The following SLC24A2 variants were observed in gnomAD, a reference collection of about 807,000 sequenced individuals.
The protein encoded by SLC24A2 is solute carrier family 24 member 2, also known as sodium/potassium/calcium exchanger 2.
Under a neutral mutation model 62.0 loss-of-function variants are expected in SLC24A2, and 36 were observed. The ratio of observed to expected loss-of-function variants is 0.58; its 90% CI spans 0.44 to 0.77. The LOEUF (loss-of-function observed/expected upper bound fraction) is 0.77, where lower values mean the gene tolerates loss of function less well. SLC24A2 is among the 30% of genes least tolerant of loss of function. The pLI is 0.00. For synonymous variants in SLC24A2, 358 were observed against 294.0 expected (o/e 1.22, Z -2.23); for missense variants, 846 against 817.9 (o/e 1.03, Z -0.42).
chr9:20,114,003 GATTCCAGACCACATCGTA>G, the SLC24A2 span, among the ~76,000 whole-genome samples: 1 of 152,198 alleles, frequency 6.6e-6, no homozygotes, highest in South Asian at 2.1e-4. Context: ...CCTGGAAAGT[GATTCCAGACCACATCGTA>G]GGAAAAGAGA....
chr9:20,255,338 C>A, the SLC24A2 span, among the ~76,000 whole-genome samples: 2,970 of 152,248 alleles, frequency 0.02, 42 homozygotes, highest in Non-Finnish European at 0.031. Context: ...AGTGTAGTTT[C>A]CAGCCCTGAT....
intron 8 of SLC24A2, among the ~76,000 whole-genome samples, chr9:19,544,255 C>CTTTTTTTTT (rs375479154): frequency 1.3e-3 from 163 of 123,862 alleles, no homozygotes; most frequent in Middle Eastern, 3.9e-3. Flanking sequence ...GCAACCCCTG[C>CTTTTTTTTT]TTTTTTTTTT....
chr9:19,949,016 C>A, the SLC24A2 span, among the ~76,000 whole-genome samples: 2 of 151,534 alleles, frequency 1.3e-5, no homozygotes, highest in African/African-American at 4.9e-5. Flanking sequence ...ATTTTTGAGA[C>A]GGAGTCTTAC....
chr9:20,002,483 T>A, the SLC24A2 span, among the ~76,000 whole-genome samples: 1 of 151,578 alleles, frequency 6.6e-6, no homozygotes, highest in African/African-American at 2.4e-5. Flanking sequence ...AAAAGGAGTG[T>A]CACTGCACTT....
At chr9:20,297,137 T>G in the SLC24A2 span, among the ~76,000 whole-genome samples, 8 of 152,102 alleles carry the variant, frequency 5.3e-5, no homozygotes, top group African/African-American at 1.9e-4. Flanking sequence ...CACCAACAAG[T>G]GGGAGAGCAA....
intron 5 of SLC24A2, among the ~76,000 whole-genome samples, chr9:19,578,133 C>G (rs929240263): frequency 3.3e-5 from 5 of 151,568 alleles, no homozygotes; most frequent in Middle Eastern, 3.2e-3. Context: ...AAATATGGTG[C>G]AGTGTACATA....
At chr9:20,289,660 C>T in the SLC24A2 span, among the ~76,000 whole-genome samples, 1 of 152,160 alleles carries the variant, frequency 6.6e-6, no homozygotes. Context: ...CTTGTGTCTC[C>T]AGCAGCACGG....
chr9:20,056,995 T>C, the SLC24A2 span, among the ~76,000 whole-genome samples: 1 of 152,254 alleles, frequency 6.6e-6, no homozygotes, highest in Non-Finnish European at 1.5e-5. Context: ...TCTGTCTCCC[T>C]AAAGCATTAA....
At chr9:20,269,646 G>A in the SLC24A2 span, among the ~76,000 whole-genome samples, 1 of 152,008 alleles carries the variant, frequency 6.6e-6, no homozygotes, top group African/African-American at 2.4e-5. Flanking sequence ...TACAACCAAG[G>A]AGAAGTACAA....
rs1236546343 is a variant in SLC24A2, at chr9:19,552,339, A to C, written c.1348-2071T>G. Among the ~76,000 whole-genome samples the C allele has an allele frequency of 2.6e-5, 4 of 152,172 alleles. No individual in the cohort carries two copies. In the East Asian group the frequency reaches 7.7e-4, roughly 29 times the overall value. ...TGAATAATCTTTGTGTCATGGGGCCAATGTGGATTAAGGAGACAGGTATAT... is the reference window on the plus strand; with the variant it reads ...TGAATAATCTTTGTGTCATGGGGCCCATGTGGATTAAGGAGACAGGTATAT... On this transcript the variant is annotated intron_variant, in intron 7 of 10. Transcript: ENST00000341998.
chr9:19,919,509 T>C, the SLC24A2 span, among the ~76,000 whole-genome samples: 1 of 152,100 alleles, frequency 6.6e-6, no homozygotes, highest in South Asian at 2.1e-4. Context: ...TACCAACATA[T>C]ACTTAGGACA....
chr9:20,238,762 G>C, the SLC24A2 span, among the ~76,000 whole-genome samples: 1 of 152,134 alleles, frequency 6.6e-6, no homozygotes, highest in Admixed American at 6.5e-5. Flanking sequence ...TTCATATGTT[G>C]AAGTATTAAC....
At chr9:19,779,348 A>T (rs1479358807) in intron 2 of SLC24A2, among the ~76,000 whole-genome samples, 2 of 152,240 alleles carry the variant, frequency 1.3e-5, no homozygotes, top group Non-Finnish European at 2.9e-5. Context: ...CAAAAACCTT[A>T]AAAGTAGTAA....
intron 5 of SLC24A2, among the ~76,000 whole-genome samples, chr9:19,587,184 T>C (rs1172186459): frequency 6.6e-6 from 1 of 152,162 alleles, no homozygotes; most frequent in Non-Finnish European, 1.5e-5. Context: ...AAATAGTAGG[T>C]GCTCAAGAAA....
chr9:19,995,832 G>A, the SLC24A2 span, among the ~76,000 whole-genome samples: 1 of 152,144 alleles, frequency 6.6e-6, no homozygotes, highest in East Asian at 1.9e-4. Flanking sequence ...CAACAGATGG[G>A]GCAGGCATCA....
intron 8 of SLC24A2, among the ~76,000 whole-genome samples, 186 bp downstream of exon 8, chr9:19,549,949 TTC>T (rs1834763525): frequency 6.6e-6 from 1 of 152,242 alleles, no homozygotes; most frequent in Non-Finnish European, 1.5e-5. Flanking sequence ...TAATGTCACT[TTC>T]TCTTTTTCCT....
At chr9:19,771,574 G>T (rs1822690116) in intron 2 of SLC24A2, among the ~76,000 whole-genome samples, 1 of 152,160 alleles carries the variant, frequency 6.6e-6, no homozygotes, top group South Asian at 2.1e-4. Context: ...ATAAGTCAGG[G>T]CCACAAAACT....
chr9:19,612,528 T>C (rs1837207972), intron 4 of SLC24A2, among the ~76,000 whole-genome samples: 1 of 152,182 alleles, frequency 6.6e-6, no homozygotes, highest in Admixed American at 6.5e-5. Context: ...TAGGTATTAT[T>C]ACTCTCTTTC....
At chr9:19,857,534 T>G in the SLC24A2 span, among the ~76,000 whole-genome samples, 1 of 152,222 alleles carries the variant, frequency 6.6e-6, no homozygotes, top group South Asian at 2.1e-4. Flanking sequence ...TTCTTTAATT[T>G]TTCTCAGCAA....
Sources: gnomAD v4.1 joint callset for allele counts (sites outside exome capture counted in the v4.1 genomes callset) on GRCh38, gnomAD v4.1.1 for gene constraint, MANE v1.5 for transcripts, NCBI Gene and HGNC (gene_info 2026-07-23, HGNC 2026-07-21) for gene names.